The following RNASE4 variants were observed in gnomAD, a reference collection of about 807,000 sequenced individuals.
The protein encoded by RNASE4 is ribonuclease 4.
For missense variants in RNASE4, 194 were observed against 192.8 expected (o/e 1.01, Z -0.04); for synonymous variants, 93 against 71.4 (o/e 1.30, Z -1.52).
In RNASE4 at chr14:20,700,044, T is replaced by C; in HGVS notation, c.*229T>C. 1.8e-6 allele frequency: 1 copy of C among 554,846 alleles called. No individual in the cohort carries two copies. The highest frequency in any genetic ancestry group is 3.3e-6 in the Non-Finnish European group (1 of 303,058). 34.4% of individuals were successfully genotyped at this position (554,846 alleles called of 1,614,324 possible). ...TGTAATAAGCTTCCTTTTATAATAC[T>C]GGTCAGCTTAGCTCTCTCAGATCCT... On this transcript the variant is annotated 3_prime_UTR_variant, in exon 2 of 2. Coordinates refer to ENST00000555835, the MANE Select transcript of RNASE4 (RefSeq NM_002937.5).
Position 20,699,640 on chromosome 14 carries a change from T to C in RNASE4, c.269T>C (p.Ile90Thr), listed in dbSNP as rs764066337. 1.9e-6 allele frequency: 3 copies of C among 1,613,024 alleles called. No individual in the cohort carries two copies. In the Admixed American group the frequency reaches 5.0e-5, roughly 27 times the overall value. Reference protein sequence around the residue: ...NIRSICSTTNIQCKNGKMNCH... With the variant: ...NIRSICSTTNTQCKNGKMNCH... ...CGTAGTATCTGCAGCACCACCAATA[T>C]CCAATGCAAGAACGGCAAGATGAAC... The change falls in exon 2 of 2, where the codon ATC becomes ACC. Residue 90 changes from isoleucine to threonine, a missense_variant. Transcript: ENST00000555835.
chr14:20,687,280 A>G (rs140007611), intron 1 of RNASE4, among the ~76,000 whole-genome samples: 169 of 152,338 alleles, frequency 1.1e-3, no homozygotes, highest in African/African-American at 3.8e-3. Flanking sequence ...AAAACATAAA[A>G]CTGTCTTTTT....
At chr14:20,691,305 T>G (rs1886732824) in intron 1 of RNASE4, among the ~76,000 whole-genome samples, 1 of 152,242 alleles carries the variant, frequency 6.6e-6, no homozygotes, top group East Asian at 1.9e-4. Context: ...ATGTTGACTG[T>G]GTAAGGCAGA....
chr14:20,689,095 G>C (rs1348562459), intron 1 of RNASE4, among the ~76,000 whole-genome samples: 1 of 152,120 alleles, frequency 6.6e-6, no homozygotes, highest in Non-Finnish European at 1.5e-5. Context: ...AGTTTAGGAG[G>C]GATTTCTAAA....
chr14:20,688,752 T>C (rs542551453), intron 1 of RNASE4: 8 of 985,350 alleles, frequency 8.1e-6, no homozygotes, highest in Non-Finnish European at 9.6e-6. Context: ...GAACACTATA[T>C]AATCAGAACC....
chr14:20,689,154 T>C (rs1363939089), intron 1 of RNASE4, among the ~76,000 whole-genome samples: 2 of 152,232 alleles, frequency 1.3e-5, no homozygotes, highest in African/African-American at 4.8e-5. Context: ...CTGAAGGCCA[T>C]CGGGAGTCCT....
chr14:20,696,349 T>C (rs1888561), intron 1 of RNASE4, among the ~76,000 whole-genome samples: 4,464 of 152,250 alleles, frequency 0.029, 206 homozygotes, highest in African/African-American at 0.099. Flanking sequence ...TCTTGTTCTA[T>C]CACAACCACA....
chr14:20,690,221 C>CAAAAAAAAAAAAAAAA (rs36091065), intron 1 of RNASE4, among the ~76,000 whole-genome samples: 2 of 67,978 alleles, frequency 2.9e-5, no homozygotes, highest in Non-Finnish European at 2.5e-5. Context: ...GACTCCGTCT[C>CAAAAAAAAAAAAAAAA]AAAAAAAAAA....
chr14:20,696,149 G>T (rs117213150), intron 1 of RNASE4, among the ~76,000 whole-genome samples: 3,599 of 152,252 alleles, frequency 0.024, 60 homozygotes, highest in Non-Finnish European at 0.033. Context: ...ATTGATCACA[G>T]CATAAGCTGT....
In RNASE4 at chr14:20,693,602, T is replaced by G. The variant is rs200240901; in HGVS notation, c.-17-5753T>G. 4 of 1,613,896 alleles carry G rather than the reference T, an allele frequency of 2.5e-6. No homozygotes were observed. In the Admixed American group the frequency reaches 5.0e-5, roughly 20 times the overall value. On this transcript the variant is annotated intron_variant, in intron 1 of 1. Coordinates refer to ENST00000555835, the MANE Select transcript of RNASE4 (RefSeq NM_002937.5). ...CTGGGCGTTTTGTTGTTGGTCTTCG[T>G]GCTGGGTCTGGGTCTGACCCCACCG...
At chr14:20,695,332 T>C (rs906595517) in intron 1 of RNASE4, among the ~76,000 whole-genome samples, 1 of 150,612 alleles carries the variant, frequency 6.6e-6, no homozygotes, top group Non-Finnish European at 1.5e-5. Flanking sequence ...GAGGCGGAGG[T>C]TGCACTGAGC....
Position 20,693,567 on chromosome 14 carries a change from G to A in RNASE4, c.-17-5788G>A, listed in dbSNP as rs201068740. On this transcript the variant is annotated intron_variant, in intron 1 of 1. Coordinates refer to ENST00000555835, the MANE Select transcript of RNASE4 (RefSeq NM_002937.5). ...CGCAGGAGCCTGTGTTGGAAGAGAT[G>A]GTGATGGGCCTGGGCGTTTTGTTGT... 263 of 1,612,246 alleles carry A rather than the reference G, an allele frequency of 1.6e-4. No homozygotes were observed. Among genetic ancestry groups the A allele is most frequent in the Non-Finnish European group, 1.9e-4 (226 of 1,180,042 alleles).
chr14:20,687,285 C>G lies in RNASE4; in HGVS notation c.-18+2527C>G, dbSNP rs959402786. On this transcript the variant is annotated intron_variant, in intron 1 of 1. Coordinates refer to ENST00000555835, the MANE Select transcript of RNASE4 (RefSeq NM_002937.5). ...GTTTAAAAGAAAAACATAAAACTGTCTTTTTGCATTGTGGGCAGATTGTGT... is the reference window on the plus strand; with the variant it reads ...GTTTAAAAGAAAAACATAAAACTGTGTTTTTGCATTGTGGGCAGATTGTGT... Among the ~76,000 whole-genome samples the G allele has an allele frequency of 6.6e-5, 10 of 152,280 alleles. No homozygotes were observed. The East Asian group carries it at 1.9e-3, about 29-fold the overall frequency.
At chr14:20,688,951 T>A in intron 1 of RNASE4, 1 of 744,346 alleles carries the variant, frequency 1.3e-6, no homozygotes, top group Non-Finnish European at 1.6e-6. Context: ...TTCCTCCCTT[T>A]AAAGCCTCCA....
rs781102058 is a variant in RNASE4 at position 20,699,378 on chromosome 14, C to G, written c.7C>G (p.Leu3Val). The stretch of plus-strand genomic sequence containing the variant: ...AGGCACCTCTAAGATACTGATGGCT[C>G]TGCAGAGGACCCATTCATTGCTTCT... MA[L>V]QRTHSLLLLL... Residue 3 changes from leucine to valine, a missense_variant, in exon 2 of 2, where the codon CTG (leucine) becomes GTG (valine). Physicochemically the swap from Leu to Val is conservative, Grantham distance 32 (BLOSUM62 1). Coordinates refer to ENST00000555835, the MANE Select transcript of RNASE4 (RefSeq NM_002937.5). 16 of 1,594,438 alleles carry G rather than the reference C, an allele frequency of 1.0e-5. No individual in the cohort carries two copies.
intron 1 of RNASE4, among the ~76,000 whole-genome samples, chr14:20,690,093 T>TAGTCCC (rs1326576881): frequency 1.4e-5 from 2 of 147,250 alleles, no homozygotes; most frequent in African/African-American, 2.5e-5. Flanking sequence ...CGGGCGCCTG[T>TAGTCCC]AGTCCCAGCT....
chr14:20,697,804 G>A (rs998107248), intron 1 of RNASE4, among the ~76,000 whole-genome samples: 6 of 152,180 alleles, frequency 3.9e-5, no homozygotes, highest in South Asian at 2.1e-4. Flanking sequence ...GCTAATTTGC[G>A]TTGCTCACTT....
At position 20,699,678 on chromosome 14, in the gene RNASE4, G is replaced by A. The variant is rs59543367; in HGVS notation, c.307G>A (p.Val103Ile). ...KNGKMNCHEGVVKVTDCRDTG... is the reference protein window; with the variant it reads ...KNGKMNCHEGIVKVTDCRDTG... ...CGGCAAGATGAACTGCCATGAGGGT[G>A]TAGTGAAGGTCACAGATTGCAGGGA... Residue 103 changes from valine (V) to isoleucine (I), a missense_variant, in exon 2 of 2, where the codon GTA becomes ATA. By Grantham distance (29) the Val-to-Ile change is conservative. Transcript: ENST00000555835. 9.4e-4 allele frequency: 1,521 copies of A among 1,610,630 alleles called. 9 individuals carry two copies. The African/African-American group carries it at 0.017, about 18-fold the overall frequency.
chr14:20,695,899 AT>A (rs1887077167), intron 1 of RNASE4, among the ~76,000 whole-genome samples: 1 of 152,272 alleles, frequency 6.6e-6, no homozygotes, highest in African/African-American at 2.4e-5. Context: ...AAACACTGTC[AT>A]TCCTTAAGAA....
Sources: gnomAD v4.1 joint callset for allele counts (sites outside exome capture counted in the v4.1 genomes callset) on GRCh38, gnomAD v4.1.1 for gene constraint, MANE v1.5 for transcripts, NCBI Gene and HGNC (gene_info 2026-07-23, HGNC 2026-07-21) for gene names.